The following ZBTB20 variants were observed in gnomAD, a reference collection of about 807,000 sequenced individuals.
ZBTB20 encodes zinc finger and BTB domain containing 20, also known as zinc finger and BTB domain-containing protein 20.
A neutral mutation model predicts 56.9 loss-of-function variants in ZBTB20; 9 were observed. That is an observed-to-expected ratio of 0.16 (90% CI 0.10 to 0.28). The LOEUF is 0.28. ZBTB20 is among the 10% of genes least tolerant of loss of function. ZBTB20 has a pLI of 1.00. For synonymous variants in ZBTB20, 417 were observed against 420.7 expected (o/e 0.99, Z 0.11); for missense variants, 655 against 1,003.0 (o/e 0.65, Z 4.69).
intron 7 of ZBTB20, among the ~76,000 whole-genome samples, chr3:114,474,342 G>A (rs993153865): frequency 8.5e-5 from 13 of 152,210 alleles, no homozygotes; most frequent in Admixed American, 2.6e-4. Flanking sequence ...GTGTTTGCAT[G>A]CATACAGCAA....
At chr3:114,923,552 A>C (rs2076039749) in intron 3 of ZBTB20, among the ~76,000 whole-genome samples, 1 of 152,222 alleles carries the variant, frequency 6.6e-6, no homozygotes, top group East Asian at 1.9e-4. Context: ...CTTGTCTTGC[A>C]CTGTACACAA....
At chr3:114,891,498 T>C (rs1006022713) in intron 4 of ZBTB20, among the ~76,000 whole-genome samples, 3 of 152,250 alleles carry the variant, frequency 2.0e-5, no homozygotes, top group Admixed American at 2.0e-4. Context: ...ATTACCATTT[T>C]AGAATTCACT....
chr3:115,054,792 TTCA>T (rs1560530709), intron 2 of ZBTB20, among the ~76,000 whole-genome samples: 2 of 152,150 alleles, frequency 1.3e-5, no homozygotes, highest in African/African-American at 2.4e-5. Context: ...CCTACATGTA[TTCA>T]TAAAAGTAAT....
intron 5 of ZBTB20, among the ~76,000 whole-genome samples, chr3:114,742,994 C>T (rs1316270160): frequency 6.6e-6 from 1 of 152,042 alleles, no homozygotes; most frequent in Non-Finnish European, 1.5e-5. Context: ...TTTCCCTTGC[C>T]CCATCATGTT....
chr3:115,041,650 G>A (rs2081147243), intron 2 of ZBTB20, among the ~76,000 whole-genome samples: 1 of 152,100 alleles, frequency 6.6e-6, no homozygotes, highest in African/African-American at 2.4e-5. Context: ...AATTTACATT[G>A]GAGAAGCTCT....
At chr3:114,701,422 C>T (rs1478199204) in intron 5 of ZBTB20, among the ~76,000 whole-genome samples, 1 of 152,064 alleles carries the variant, frequency 6.6e-6, no homozygotes, top group African/African-American at 2.4e-5. Flanking sequence ...TGCTATGTGC[C>T]ACCATGATGT....
chr3:114,925,804 G>A (rs1200137324), intron 3 of ZBTB20, among the ~76,000 whole-genome samples: 1 of 152,200 alleles, frequency 6.6e-6, no homozygotes, highest in African/African-American at 2.4e-5. Flanking sequence ...GGGATTACAG[G>A]TGTGAGCCAC....
chr3:115,122,134 G>A (rs1282004936), intron 1 of ZBTB20, among the ~76,000 whole-genome samples: 1 of 151,958 alleles, frequency 6.6e-6, no homozygotes, highest in East Asian at 1.9e-4. Flanking sequence ...AAATTATCTT[G>A]ATCGAAAAGA....
chr3:114,665,848 C>A (rs1019914115), intron 6 of ZBTB20, among the ~76,000 whole-genome samples: 1 of 151,976 alleles, frequency 6.6e-6, no homozygotes, highest in East Asian at 1.9e-4. Context: ...TGACTGACTG[C>A]CATGGAAGCT....
intron 5 of ZBTB20, among the ~76,000 whole-genome samples, chr3:114,704,955 A>G (rs2063624378): frequency 6.6e-6 from 1 of 152,062 alleles, no homozygotes; most frequent in African/African-American, 2.4e-5. Flanking sequence ...AACAACATTC[A>G]CTCAGGGTCA....
At chr3:114,725,920 C>T (rs1009370225) in intron 5 of ZBTB20, among the ~76,000 whole-genome samples, 5 of 152,070 alleles carry the variant, frequency 3.3e-5, no homozygotes, top group Admixed American at 6.5e-5. Flanking sequence ...GGTAAGCTAC[C>T]GAAGATCTGC....
chr3:114,419,213 G>A (rs891338432), intron 7 of ZBTB20: 3 of 152,072 alleles, frequency 2.0e-5, no homozygotes, highest in Non-Finnish European at 4.4e-5. Flanking sequence ...AATACACGGA[G>A]TTCACTTTCA....
chr3:114,910,468 C>T (rs2075489721), intron 3 of ZBTB20, among the ~76,000 whole-genome samples: 1 of 151,764 alleles, frequency 6.6e-6, no homozygotes, highest in Non-Finnish European at 1.5e-5. Flanking sequence ...ACACTGATAT[C>T]AAACCCAGAT....
intron 6 of ZBTB20, among the ~76,000 whole-genome samples, chr3:114,525,892 C>T (rs2047163143): frequency 6.6e-6 from 1 of 152,126 alleles, no homozygotes; most frequent in Non-Finnish European, 1.5e-5. Flanking sequence ...AGAACCAACC[C>T]CTATGTCCAC....
At chr3:114,885,319 G>A (rs1467111405) in intron 4 of ZBTB20, among the ~76,000 whole-genome samples, 1 of 152,252 alleles carries the variant, frequency 6.6e-6, no homozygotes, top group Non-Finnish European at 1.5e-5. Context: ...GCTCCTTCAC[G>A]TCATTCAAGT....
chr3:114,535,635 T>A (rs2669881), intron 6 of ZBTB20, among the ~76,000 whole-genome samples: 95,414 of 151,960 alleles, frequency 0.63, 30,279 homozygotes, highest in East Asian at 0.8. Flanking sequence ...TCCCTAACTC[T>A]TTTTATGAGG....
At chr3:114,534,096 C>A (rs1003075613) in intron 6 of ZBTB20, among the ~76,000 whole-genome samples, 5 of 152,146 alleles carry the variant, frequency 3.3e-5, no homozygotes, top group East Asian at 1.9e-4. Flanking sequence ...GGCAACATTA[C>A]CAGCTAGCAT....
intron 1 of ZBTB20, among the ~76,000 whole-genome samples, chr3:115,124,422 G>C (rs1231601774): frequency 6.6e-6 from 1 of 152,028 alleles, no homozygotes; most frequent in Non-Finnish European, 1.5e-5. Flanking sequence ...TAAACCTAAA[G>C]ACATTTTAAA....
intron 6 of ZBTB20, among the ~76,000 whole-genome samples, chr3:114,539,156 T>C (rs1406511032): frequency 1.3e-5 from 2 of 152,194 alleles, no homozygotes; most frequent in Admixed American, 1.3e-4. Flanking sequence ...AGTTTCTCTT[T>C]CCTAGCTTTA....
Sources: gnomAD v4.1 joint callset for allele counts (sites outside exome capture counted in the v4.1 genomes callset) on GRCh38, gnomAD v4.1.1 for gene constraint, MANE v1.5 for transcripts, NCBI Gene and HGNC (gene_info 2026-07-23, HGNC 2026-07-21) for gene names.